SLC43A1: variants seen among roughly 807,000 people sequenced by gnomAD.
SLC43A1 encodes large neutral amino acids transporter small subunit 3.
Under a neutral mutation model 59.5 loss-of-function variants are expected in SLC43A1, and 31 were observed. The observed-to-expected ratio is 0.52, with a 90% CI of 0.39 to 0.70. SLC43A1 has a LOEUF of 0.70. SLC43A1 is among the 30% of genes least tolerant of loss of function. SLC43A1 has a pLI of 0.00. For synonymous variants in SLC43A1, 259 were observed against 290.9 expected, an observed-to-expected ratio of 0.89 and a Z score of 1.12; for missense variants, 598 against 717.8, an observed-to-expected ratio of 0.83 and a Z score of 1.91.
At chr11:57,496,539 G>A (rs1438272804) in intron 6 of SLC43A1, among the ~76,000 whole-genome samples, 3 of 152,106 alleles carry the variant, frequency 2.0e-5, no homozygotes, top group Non-Finnish European at 4.4e-5. Flanking sequence ...ACGTACAAAG[G>A]AAACTTAGTG....
At chr11:57,494,880 A>T (rs1156469286) in intron 7 of SLC43A1, among the ~76,000 whole-genome samples, 1 of 148,766 alleles carries the variant, frequency 6.7e-6, no homozygotes, top group Non-Finnish European at 1.5e-5. Flanking sequence ...GGAGTTTTTG[A>T]TCTTGTTGCC....
chr11:57,510,759 G>A lies in SLC43A1; in HGVS notation c.154+3199C>T, dbSNP rs548807428. On this transcript the variant is annotated intron_variant, in intron 2 of 14. Coordinates refer to ENST00000278426, the MANE Select transcript of SLC43A1 (RefSeq NM_003627.6). ...GTAAATTCCAGCACTTTGGGAGGCC[G>A]AGGGGGGTGGATCACCTGAGGCAGG... Among the ~76,000 whole-genome samples, 8 of 151,682 alleles carry A rather than the reference G, an allele frequency of 5.3e-5. No individual in the cohort carries two copies. In the East Asian group the frequency reaches 5.9e-4, roughly 11 times the overall value.
At chr11:57,505,670 T>C (rs886613188) in intron 2 of SLC43A1, among the ~76,000 whole-genome samples, 1 of 152,180 alleles carries the variant, frequency 6.6e-6, no homozygotes, top group East Asian at 1.9e-4. Context: ...TGAAGCTATT[T>C]TTTTTTAAGC....
Position 57,514,388 on chromosome 11 carries a change from A to G in SLC43A1, c.-13-264T>C. On this transcript the variant is annotated intron_variant, in intron 1 of 14. Coordinates refer to ENST00000278426, the MANE Select transcript of SLC43A1 (RefSeq NM_003627.6). This position sits in a 1 kb window ranked among gnomAD's most constrained non-coding sequence, Gnocchi z 5.5. ...TGTCTGCGCGCTGCAGCTTCCTAGC[A>G]GGCTGCCGGGTTCTCTCACCCAGGC... 1 of 446,834 alleles carries G rather than the reference A, an allele frequency of 2.2e-6. No individual in the cohort carries two copies. Among genetic ancestry groups the G allele is most frequent in the Non-Finnish European group, 4.0e-6 (1 of 249,396 alleles). 27.7% of individuals were successfully genotyped at this position (446,834 alleles called of 1,614,324 possible).
At chr11:57,509,308 G>A (rs1944466955) in intron 2 of SLC43A1, among the ~76,000 whole-genome samples, 1 of 151,896 alleles carries the variant, frequency 6.6e-6, no homozygotes, top group Non-Finnish European at 1.5e-5. Flanking sequence ...AGAAAACACA[G>A]GCCGGGCATG....
chr11:57,494,202 A>G (rs1944012366), intron 7 of SLC43A1, 31 bp from the exon 8 acceptor site: 2 of 1,594,290 alleles, frequency 1.3e-6, no homozygotes, highest in Admixed American at 1.8e-5. Context: ...GTGTAGAGGA[A>G]CCAGTCACAC....
intron 2 of SLC43A1, among the ~76,000 whole-genome samples, chr11:57,503,045 GAGTAAAGATAA>G (rs1490168036): frequency 1.3e-5 from 2 of 152,044 alleles, no homozygotes; most frequent in Non-Finnish European, 2.9e-5. Context: ...GTTGGCAGAA[GAGTAAAGATAA>G]AGGAATCTGT....
intron 14 of SLC43A1, among the ~76,000 whole-genome samples, chr11:57,486,839 T>C (rs907626884): frequency 6.6e-6 from 1 of 151,692 alleles, no homozygotes; most frequent in African/African-American, 2.4e-5. Context: ...AATAAATAAA[T>C]AAAATAACAA....
intron 14 of SLC43A1, among the ~76,000 whole-genome samples, chr11:57,486,410 C>T (rs1223917035): frequency 6.6e-6 from 1 of 151,696 alleles, no homozygotes; most frequent in African/African-American, 2.4e-5. Flanking sequence ...GCCGGAGGAT[C>T]GCTTGAGCCC....
At position 57,484,787 on chromosome 11, in the gene SLC43A1, T is replaced by G; in HGVS notation, c.*309A>C. The G allele has an allele frequency of 3.8e-6, 1 of 264,206 alleles. No homozygotes were observed. The highest frequency in any genetic ancestry group is 7.3e-6 in the Non-Finnish European group (1 of 137,642). The allele number at this position is 264,206 out of a possible 1,614,324, so 16.4% of individuals were successfully genotyped here. A position where few individuals can be genotyped will look rare whatever the true frequency, so the allele number is the denominator to read the frequency against. ...CCTGTTTGCCGATCCCCCCAAGAGG[T>G]ACCAGGAGGCAGACCGCTAGAAGGA... On this transcript the variant is annotated 3_prime_UTR_variant, in exon 15 of 15. Transcript: ENST00000278426.
At chr11:57,499,582 C>A (rs1944195032) in intron 5 of SLC43A1, 1 of 152,246 alleles carries the variant, frequency 6.6e-6, no homozygotes, top group African/African-American at 2.4e-5. Flanking sequence ...GCCGGCTAAC[C>A]CCGGGCTGGC....
At chr11:57,509,977 T>C (rs1245025643) in intron 2 of SLC43A1, among the ~76,000 whole-genome samples, 1 of 152,136 alleles carries the variant, frequency 6.6e-6, no homozygotes, top group Non-Finnish European at 1.5e-5. Context: ...TAAAGAACTC[T>C]TACATCTCAG....
Position 57,514,973 on chromosome 11 carries a change from C to T in SLC43A1, c.-14+471G>A, listed in dbSNP as rs1944651124. On this transcript the variant is annotated intron_variant, in intron 1 of 14. Coordinates refer to ENST00000278426, the MANE Select transcript of SLC43A1 (RefSeq NM_003627.6). This position sits in a 1 kb window ranked among gnomAD's most constrained non-coding sequence, Gnocchi z 5.5. ...GAGCCCCAGCTCCCCCCGCCGCGGC[C>T]GCTGCAGCCTCGGCGGGAGGAGAGG... 3 of 972,990 alleles carry T rather than the reference C, an allele frequency of 3.1e-6. No homozygotes were observed. The highest frequency in any genetic ancestry group is 3.5e-5 in the African/African-American group (2 of 57,062). 60.3% of individuals were successfully genotyped at this position (972,990 alleles called of 1,614,324 possible).
chr11:57,493,700 A>AT (rs984457098), intron 8 of SLC43A1, among the ~76,000 whole-genome samples: 3 of 152,152 alleles, frequency 2.0e-5, no homozygotes, highest in Admixed American at 2.0e-4. Context: ...AGAGGTTGCA[A>AT]GGGGCCCTGA....
At chr11:57,493,870 A>C (rs1292031297) in intron 8 of SLC43A1, 123 bp downstream of exon 8, 1 of 897,950 alleles carries the variant, frequency 1.1e-6, no homozygotes, top group African/African-American at 1.8e-5. Context: ...TGCCCCACCT[A>C]CATCATGGGG....
At chr11:57,505,990 T>C (rs10160419) in intron 2 of SLC43A1, among the ~76,000 whole-genome samples, 29,358 of 152,154 alleles carry the variant, frequency 0.19, 5,296 homozygotes, top group African/African-American at 0.48. Context: ...CCCTGCTCAG[T>C]GTTCCTTTCC....
chr11:57,491,775 A>T lies in SLC43A1; in HGVS notation c.959T>A (p.Phe320Tyr). 6.2e-7 allele frequency: 1 copy of T among 1,614,232 alleles called. No homozygotes were observed. The highest frequency in any genetic ancestry group is 8.5e-7 in the Non-Finnish European group (1 of 1,180,032). ...CATCTTGTTCACAGCAGCCATGTAG[A>T]AGATGATCCGCAGCTGGGTCATGCC... is the stretch of plus-strand genomic sequence containing the variant. Reference protein sequence around the residue: ...TMGMTQLRIIFYMAAVNKMLE... With the variant: ...TMGMTQLRIIYYMAAVNKMLE... Residue 320 changes from phenylalanine (F) to tyrosine (Y), a missense_variant, in exon 9 of 15, where the codon TTC becomes TAC. Phe to Tyr is a conservative substitution (Grantham distance 22, BLOSUM62 3). Transcript: ENST00000278426.
rs139014559 is a variant in SLC43A1, at chr11:57,494,030, G to C, written c.834C>G (p.Pro278=). 3.6e-4 allele frequency: 580 copies of C among 1,606,532 alleles called. No homozygotes were observed. Among genetic ancestry groups the C allele is most frequent in the Non-Finnish European group, 4.5e-4 (531 of 1,177,142 alleles). ...LEDGSDAFMS[P]QDVRGTSENL... ...TTTCTGAGGTGCCCCGAACATCCTG[G>C]GGTGACATGAAGGCATCCGAACCGT... The change falls in exon 8 of 15, where the codon CCC becomes CCG. Residue 278 remains proline, a synonymous_variant. Transcript: ENST00000278426.
At chr11:57,492,536 G>T (rs1156507902) in intron 8 of SLC43A1, among the ~76,000 whole-genome samples, 1 of 79,862 alleles carries the variant, frequency 1.3e-5, no homozygotes, top group African/African-American at 5.6e-5. Context: ...ATAATTTTGT[G>T]TATATATATA....
Sources: gnomAD v4.1 joint callset for allele counts (sites outside exome capture counted in the v4.1 genomes callset) on GRCh38, gnomAD v4.1.1 for gene constraint, Gnocchi (gnomAD v3.1) non-coding constraint, MANE v1.5 for transcripts, NCBI Gene and HGNC (gene_info 2026-07-23, HGNC 2026-07-21) for gene names.